Variants in PLXDC2 observed in about 807,000 individuals in gnomAD.
The protein encoded by PLXDC2 is plexin domain containing 2.
Under a neutral mutation model 68.9 loss-of-function variants are expected in PLXDC2, and 40 were observed. The observed-to-expected ratio is 0.58, with a 90% CI of 0.45 to 0.76. The LOEUF is 0.76. PLXDC2 is among the 30% of genes least tolerant of loss of function. PLXDC2 has a pLI of 0.00. For synonymous variants in PLXDC2, 243 were observed against 234.2 expected, an observed-to-expected ratio of 1.04 and a Z score of -0.34; for missense variants, 644 against 661.9, an observed-to-expected ratio of 0.97 and a Z score of 0.30.
At chr10:20,016,074 C>G (rs953825359) in intron 2 of PLXDC2, among the ~76,000 whole-genome samples, 3 of 151,270 alleles carry the variant, frequency 2.0e-5, no homozygotes, top group Non-Finnish European at 3.0e-5. Flanking sequence ...AAATTAAACT[C>G]TCTGGATATC....
intron 1 of PLXDC2, among the ~76,000 whole-genome samples, chr10:19,960,823 A>T (rs1834144188): frequency 6.6e-6 from 1 of 152,212 alleles, no homozygotes; most frequent in South Asian, 2.1e-4. Flanking sequence ...CTATTTGCAT[A>T]ATCAGTTGCT....
intron 4 of PLXDC2, among the ~76,000 whole-genome samples, chr10:20,086,104 T>A (rs10764198): frequency 0.21 from 31,490 of 152,090 alleles, 3,955 homozygotes; most frequent in African/African-American, 0.35. Flanking sequence ...TGAGTTTTTC[T>A]TTGGGGACAC....
intron 1 of PLXDC2, among the ~76,000 whole-genome samples, chr10:19,870,426 C>CTT (rs11389567): frequency 1.0e-4 from 15 of 150,152 alleles, no homozygotes; most frequent in Admixed American, 3.3e-4. Context: ...ATTACTATTA[C>CTT]TTTTTTTTTT....
intron 3 of PLXDC2, among the ~76,000 whole-genome samples, chr10:20,063,177 T>A (rs1210143666): frequency 6.6e-6 from 1 of 152,188 alleles, no homozygotes; most frequent in Non-Finnish European, 1.5e-5. Context: ...CATTCTTGAA[T>A]AAGTGGATGC....
chr10:20,021,698 T>G (rs1835312760), intron 2 of PLXDC2, among the ~76,000 whole-genome samples: 1 of 151,210 alleles, frequency 6.6e-6, no homozygotes, highest in South Asian at 2.1e-4. Context: ...TATTTATTTA[T>G]TTATTATTTT....
intron 1 of PLXDC2, among the ~76,000 whole-genome samples, chr10:19,926,690 T>C (rs1833542282): frequency 6.6e-6 from 1 of 152,166 alleles, no homozygotes; most frequent in Non-Finnish European, 1.5e-5. Flanking sequence ...AAGCATGCAC[T>C]TCCCCCAGTT....
intron 1 of PLXDC2, among the ~76,000 whole-genome samples, chr10:19,921,108 T>G (rs1204013629): frequency 1.5e-5 from 2 of 135,540 alleles, no homozygotes; most frequent in Non-Finnish European, 3.2e-5. Flanking sequence ...TTTCTTTTCT[T>G]CTTCTTTTTT....
intron 1 of PLXDC2, among the ~76,000 whole-genome samples, chr10:19,971,711 C>T (rs1438023268): frequency 2.0e-5 from 3 of 152,062 alleles, no homozygotes; most frequent in Non-Finnish European, 4.4e-5. Context: ...ATTCATCTCT[C>T]GACAAACATT....
Position 20,219,118 on chromosome 10 carries a change from T to C in PLXDC2, c.1312+16T>C. On this transcript the variant is annotated intron_variant, in intron 12 of 13. Coordinates refer to ENST00000377252, the MANE Select transcript of PLXDC2 (RefSeq NM_032812.9). ...GATAATGGAGGTAGGAATTGATACTTTTCTTTCATAAACATCTTTTAAATA... is the reference window on the plus strand; with the variant it reads ...GATAATGGAGGTAGGAATTGATACTCTTCTTTCATAAACATCTTTTAAATA... 6.3e-7 allele frequency: 1 copy of C among 1,597,592 alleles called. No homozygotes were observed. The highest frequency in any genetic ancestry group is 8.5e-7 in the Non-Finnish European group (1 of 1,171,144).
intron 1 of PLXDC2, among the ~76,000 whole-genome samples, chr10:20,000,593 C>T (rs1834918457): frequency 1.3e-5 from 2 of 152,014 alleles, no homozygotes; most frequent in South Asian, 4.1e-4. Context: ...AAATAATATC[C>T]TCTCTGTCTA....
At chr10:20,166,462 C>T (rs1420671891) in intron 7 of PLXDC2, among the ~76,000 whole-genome samples, 1 of 152,082 alleles carries the variant, frequency 6.6e-6, no homozygotes, top group Non-Finnish European at 1.5e-5. Flanking sequence ...CCTGACAGAG[C>T]TCTTAAATAA....
intron 1 of PLXDC2, among the ~76,000 whole-genome samples, chr10:19,911,514 A>G (rs552817805): frequency 3.9e-5 from 6 of 152,184 alleles, no homozygotes; most frequent in Non-Finnish European, 8.8e-5. Flanking sequence ...AAAAGTAGGT[A>G]TCAGCTTCAG....
chr10:20,126,817 C>CACACATGTT (rs1564325374), intron 4 of PLXDC2, among the ~76,000 whole-genome samples: 1 of 136,432 alleles, frequency 7.3e-6, no homozygotes. Context: ...GTATATATAA[C>CACACATGTT]ATATATGTGT....
In PLXDC2 at chr10:20,067,059, A is replaced by G. The variant is rs555071237; in HGVS notation, c.472-1111A>G. Reference sequence around the variant, plus strand: ...GTGTTTCTCTTGTTTCTTGCCTGATAATAATATATCTACTTAATATCATTT... The same window carrying G: ...GTGTTTCTCTTGTTTCTTGCCTGATGATAATATATCTACTTAATATCATTT... On this transcript the variant is annotated intron_variant, in intron 3 of 13. Transcript: ENST00000377252. Among the ~76,000 whole-genome samples the G allele has an allele frequency of 1.4e-4, 21 of 152,274 alleles. 2 individuals carry two copies. The highest frequency in any genetic ancestry group is 1.4e-3 in the Admixed American group (21 of 15,298).
intron 1 of PLXDC2, among the ~76,000 whole-genome samples, chr10:19,937,280 A>G (rs576865425): frequency 6.6e-6 from 1 of 152,144 alleles, no homozygotes; most frequent in South Asian, 2.1e-4. Context: ...TTAGTCCCAC[A>G]TCTTTGTGAT....
intron 1 of PLXDC2, among the ~76,000 whole-genome samples, chr10:19,895,660 G>C (rs1252358860): frequency 1.3e-5 from 2 of 152,160 alleles, no homozygotes; most frequent in Non-Finnish European, 2.9e-5. Context: ...CACGTGGCTA[G>C]TGGCCACCGC....
intron 3 of PLXDC2, among the ~76,000 whole-genome samples, 179 bp downstream of exon 3, chr10:20,047,194 A>G (rs1474418096): frequency 6.6e-6 from 1 of 152,186 alleles, no homozygotes; most frequent in Non-Finnish European, 1.5e-5. Context: ...ATTACTGCAT[A>G]TAAGATATTA....
chr10:20,158,662 C>CAAATAAATAAGT (rs1244250352), intron 6 of PLXDC2, among the ~76,000 whole-genome samples: 1 of 144,608 alleles, frequency 6.9e-6, no homozygotes, highest in African/African-American at 2.5e-5. Context: ...GACTCTGTCT[C>CAAATAAATAAGT]AAATAAATAA....
intron 1 of PLXDC2, among the ~76,000 whole-genome samples, chr10:19,885,368 T>C (rs1473035124): frequency 1.3e-5 from 2 of 151,830 alleles, no homozygotes; most frequent in African/African-American, 2.4e-5. Flanking sequence ...TTAGATCCCA[T>C]TTGTCAATTT....
Sources: allele counts gnomAD v4.1 joint callset (sites outside exome capture counted in the v4.1 genomes callset), GRCh38; gene constraint gnomAD v4.1.1; transcripts MANE v1.5; gene names NCBI Gene and HGNC (gene_info 2026-07-23, HGNC 2026-07-21).